The following PDSS1 variants were observed in gnomAD, a reference collection of about 807,000 sequenced individuals.
PDSS1 encodes the protein decaprenyl diphosphate synthase subunit 1, also known as all trans-polyprenyl-diphosphate synthase PDSS1.
Under a neutral mutation model 57.5 loss-of-function variants are expected in PDSS1, and 43 were observed. The ratio of observed to expected loss-of-function variants is 0.75; its 90% CI spans 0.59 to 0.96. The LOEUF (loss-of-function observed/expected upper bound fraction) is 0.96, where lower values mean the gene tolerates loss of function less well. Among genes scored for constraint, PDSS1 ranks in the 50% least tolerant of loss-of-function variants. The pLI, the probability that PDSS1 is intolerant of heterozygous loss-of-function variation, is 0.00. For missense variants in PDSS1, 438 were observed against 527.8 expected (o/e 0.83, Z 1.67); for synonymous variants, 175 against 191.3 (o/e 0.91, Z 0.70).
At chr10:26,727,620 C>T (rs936688165) in intron 8 of PDSS1, among the ~76,000 whole-genome samples, 1 of 151,908 alleles carries the variant, frequency 6.6e-6, no homozygotes, top group African/African-American at 2.4e-5. Flanking sequence ...CTCAGCCTCC[C>T]GAGTAGCTGG....
chr10:26,722,655 G>A (rs1835825875), intron 6 of PDSS1, among the ~76,000 whole-genome samples: 1 of 151,476 alleles, frequency 6.6e-6, no homozygotes, highest in African/African-American at 2.4e-5. Flanking sequence ...AGTGAGCCGA[G>A]GTCATGCCAC....
At chr10:26,738,904 G>A (rs959434884) in intron 10 of PDSS1, among the ~76,000 whole-genome samples, 1 of 152,162 alleles carries the variant, frequency 6.6e-6, no homozygotes, top group African/African-American at 2.4e-5. Flanking sequence ...TCCCATGTAC[G>A]TATGTGTACA....
rs1452563693 is a variant in PDSS1, at chr10:26,720,360, G to T, written c.609+1G>T. On this transcript the variant is annotated splice_donor_variant, in intron 6 of 11. Transcript: ENST00000376215. LOFTEE classifies it high-confidence loss of function. ...TAATAAGATCTGGGGTGAAAAGAAG[G>T]TATGGTTTTTTGGTTTTTTTAAAAT... The T allele has an allele frequency of 6.2e-7, 1 of 1,606,850 alleles. No individual in the cohort carries two copies.
At chr10:26,732,225 AGTT>A (rs1836232282) in intron 8 of PDSS1, among the ~76,000 whole-genome samples, 1 of 152,164 alleles carries the variant, frequency 6.6e-6, no homozygotes, top group African/African-American at 2.4e-5. Context: ...AATTTGTGGC[AGTT>A]GTTTTCTGTT....
intron 10 of PDSS1, among the ~76,000 whole-genome samples, chr10:26,740,102 A>G (rs1336862425): frequency 6.6e-6 from 1 of 150,476 alleles, no homozygotes; most frequent in Non-Finnish European, 1.5e-5. Flanking sequence ...AGATCGTGCC[A>G]CTGCACTCCA....
chr10:26,740,023 T>C (rs1836531580), intron 10 of PDSS1, among the ~76,000 whole-genome samples: 1 of 151,120 alleles, frequency 6.6e-6, no homozygotes, highest in Non-Finnish European at 1.5e-5. Flanking sequence ...GCGCCTGTAG[T>C]CCCAAGTACT....
In PDSS1 at chr10:26,736,664, C is replaced by A. The variant is rs550398693; in HGVS notation, c.1026+1085C>A. 2.6e-5 allele frequency among the ~76,000 whole-genome samples: 4 copies of A among 152,192 alleles called. No homozygotes were observed. The South Asian group carries it at 6.2e-4, about 24-fold the overall frequency. On this transcript the variant is annotated intron_variant, in intron 10 of 11. Coordinates refer to ENST00000376215, the MANE Select transcript of PDSS1 (RefSeq NM_014317.5). ...GAGGCTGACGTTCTGGGTGGCTGGACCAGGCTACTTTGGCAGCTTGCTAAG... is the reference window on the plus strand; with the variant it reads ...GAGGCTGACGTTCTGGGTGGCTGGAACAGGCTACTTTGGCAGCTTGCTAAG...
In PDSS1 at chr10:26,697,855, C is replaced by G; in HGVS notation, c.129+15C>G. ...TCCGCGCGCAGGTGAGGTTGGGAGG[C>G]GCGCGCCCGGCGGGGCTCAGAGGTC... On this transcript the variant is annotated intron_variant, in intron 1 of 11. Coordinates refer to ENST00000376215, the MANE Select transcript of PDSS1 (RefSeq NM_014317.5). 7.6e-7 allele frequency: 1 copy of G among 1,307,860 alleles called. No homozygotes were observed. The highest frequency in any genetic ancestry group is 9.8e-7 in the Non-Finnish European group (1 of 1,019,678). 81.0% of individuals were successfully genotyped at this position (1,307,860 alleles called of 1,614,324 possible).
chr10:26,713,068 G>C (rs1476852610), intron 5 of PDSS1, among the ~76,000 whole-genome samples: 1 of 96,024 alleles, frequency 1.0e-5, no homozygotes, highest in Non-Finnish European at 2.4e-5. Context: ...TGAGGCAGGC[G>C]GGTCACGAGG....
intron 5 of PDSS1, among the ~76,000 whole-genome samples, chr10:26,716,722 TGAAG>T (rs1835595302): frequency 6.6e-6 from 1 of 151,826 alleles, no homozygotes; most frequent in South Asian, 2.1e-4. Context: ...TTAAATCTAA[TGAAG>T]GAGGAAAGAA....
chr10:26,718,543 C>T (rs900354057), intron 5 of PDSS1, among the ~76,000 whole-genome samples: 8 of 151,968 alleles, frequency 5.3e-5, no homozygotes, highest in Admixed American at 2.0e-4. Context: ...GGTGGATCAC[C>T]TGAAGTCAGG....
intron 8 of PDSS1, among the ~76,000 whole-genome samples, chr10:26,732,029 A>G (rs1407601402): frequency 6.6e-6 from 1 of 152,256 alleles, no homozygotes; most frequent in African/African-American, 2.4e-5. Flanking sequence ...AAAGAAGTGC[A>G]TACGCACAGC....
chr10:26,742,348 A>G (rs139808090), intron 10 of PDSS1, 149 bp from the exon 11 acceptor site: 1 of 691,860 alleles, frequency 1.4e-6, no homozygotes, highest in Non-Finnish European at 2.6e-6. Context: ...TTGTTGCCAC[A>G]GTTTACTGCT....
Position 26,746,549 on chromosome 10 carries a change from C to T in PDSS1, c.*76C>T, listed in dbSNP as rs12776877. 0.15 allele frequency: 227,525 copies of T among 1,471,050 alleles called. 19,318 individuals carry two copies. The highest frequency in any genetic ancestry group is 0.24 in the Admixed American group (14,090 of 59,640). The allele number at this position is 1,471,050 out of a possible 1,614,324, so 91.1% of individuals were successfully genotyped here. A position where few individuals can be genotyped will look rare whatever the true frequency, so the allele number is the denominator to read the frequency against. On this transcript the variant is annotated 3_prime_UTR_variant, in exon 12 of 12. Transcript: ENST00000376215. ...AATTTTGTGGAATACACTTTGTTTGCTTCATGTGCAGATAACCAAAAATCA... is the reference window on the plus strand; with the variant it reads ...AATTTTGTGGAATACACTTTGTTTGTTTCATGTGCAGATAACCAAAAATCA...
chr10:26,701,412 G>A (rs1835048247), intron 1 of PDSS1, among the ~76,000 whole-genome samples: 1 of 152,208 alleles, frequency 6.6e-6, no homozygotes, highest in Admixed American at 6.5e-5. Context: ...AGGGAAAAAT[G>A]GATTCATGGG....
intron 1 of PDSS1, among the ~76,000 whole-genome samples, chr10:26,698,534 C>T (rs1834949778): frequency 6.6e-6 from 1 of 152,182 alleles, no homozygotes; most frequent in South Asian, 2.1e-4. Context: ...GGGTTCCGAT[C>T]TCCTTTTTCT....
At chr10:26,717,753 A>G (rs1269721601) in intron 5 of PDSS1, 1 of 152,134 alleles carries the variant, frequency 6.6e-6, no homozygotes, top group Non-Finnish European at 1.5e-5. Flanking sequence ...GCTAGACCTT[A>G]CCTGTTGTTT....
chr10:26,720,010 G>T, intron 5 of PDSS1: 1 of 641,478 alleles, frequency 1.6e-6, no homozygotes, highest in Non-Finnish European at 2.6e-6. Flanking sequence ...TTCTTCAATG[G>T]GGAATTCATA....
At chr10:26,740,519 G>C (rs1588708222) in intron 10 of PDSS1, 1 of 420,774 alleles carries the variant, frequency 2.4e-6, no homozygotes, top group Non-Finnish European at 4.8e-6. Context: ...ACATATTTTG[G>C]TCTGAAAAAA....
Sources: allele counts gnomAD v4.1 joint callset (sites outside exome capture counted in the v4.1 genomes callset), GRCh38; gene constraint gnomAD v4.1.1; transcripts MANE v1.5; gene names NCBI Gene and HGNC (gene_info 2026-07-23, HGNC 2026-07-21).